The following SLC22A3 variants were observed in gnomAD, a reference collection of about 807,000 sequenced individuals.
The protein encoded by SLC22A3 is EMT organic cation transporter 3.
In SLC22A3, 51 loss-of-function variants were observed where a neutral mutation model predicts 59.1. The observed-to-expected ratio is 0.86, with a 90% confidence interval of 0.69 to 1.09. The LOEUF is 1.09. SLC22A3 is among the 50% of genes least tolerant of loss of function. SLC22A3 has a pLI of 0.00. For synonymous variants in SLC22A3, 325 were observed against 292.0 expected (o/e 1.11, Z -1.15); for missense variants, 711 against 726.3 (o/e 0.98, Z 0.24).
intron 1 of SLC22A3, among the ~76,000 whole-genome samples, chr6:160,395,337 C>G (rs557241003): frequency 6.6e-5 from 10 of 152,254 alleles, no homozygotes; most frequent in African/African-American, 2.2e-4. Flanking sequence ...TCTTGATAGG[C>G]CTTGCTATGT....
At chr6:160,384,682 G>A (rs1785929920) in intron 1 of SLC22A3, among the ~76,000 whole-genome samples, 2 of 152,148 alleles carry the variant, frequency 1.3e-5, no homozygotes, top group Admixed American at 6.5e-5. Flanking sequence ...TGGGTGGGAA[G>A]GAGATCTAAG....
intron 1 of SLC22A3, among the ~76,000 whole-genome samples, chr6:160,396,243 AT>A (rs1160223193): frequency 2.0e-5 from 3 of 152,192 alleles, no homozygotes; most frequent in African/African-American, 7.2e-5. Context: ...CAATGGGACA[AT>A]TTGACATATT....
Position 160,436,986 on chromosome 6 carries a change from T to A in SLC22A3, c.1074-11T>A. The A allele has an allele frequency of 6.2e-7, 1 of 1,614,182 alleles. No homozygotes were observed. The highest frequency in any genetic ancestry group is 2.2e-5 in the East Asian group (1 of 44,894). On this transcript the variant is annotated splice_polypyrimidine_tract_variant and intron_variant, in intron 6 of 10. Transcript: ENST00000275300. ...TTACTTGTTCTCTGGTGTCTTTCAA[T>A]GTTGCTACAGGTTCACAAGCGCAGT...
chr6:160,423,405 A>G (rs1787827394), intron 5 of SLC22A3, among the ~76,000 whole-genome samples: 1 of 152,246 alleles, frequency 6.6e-6, no homozygotes, highest in African/African-American at 2.4e-5. Flanking sequence ...AGGAATCGCC[A>G]CACTGTCTTC....
At chr6:160,418,116 A>C (rs1787578589) in intron 5 of SLC22A3, among the ~76,000 whole-genome samples, 1 of 152,316 alleles carries the variant, frequency 6.6e-6, no homozygotes, top group Admixed American at 6.5e-5. Context: ...TTGCCAGAGG[A>C]GATTCACATT....
chr6:160,353,748 C>T (rs961970787), intron 1 of SLC22A3, among the ~76,000 whole-genome samples: 1 of 152,072 alleles, frequency 6.6e-6, no homozygotes, highest in African/African-American at 2.4e-5. Flanking sequence ...CAGGAATTTT[C>T]CTTTTTCACA....
At position 160,452,410 on chromosome 6, in the gene SLC22A3, AAC is replaced by A. The variant is rs1197720585; in HGVS notation, c.*1358_*1359del. ...GAATAATCTATTTGTCGATGAAATA[AAC>A]ACAACTCTTTGAGGATTTGAGACTA... On this transcript the variant is annotated 3_prime_UTR_variant, in exon 11 of 11. Coordinates refer to ENST00000275300, the MANE Select transcript of SLC22A3 (RefSeq NM_021977.4). The A allele has an allele frequency of 6.6e-6, 1 of 152,226 alleles. No homozygotes were observed. Among genetic ancestry groups the A allele is most frequent in the African/African-American group, 2.4e-5 (1 of 41,462 alleles). 9.4% of individuals were successfully genotyped at this position (152,226 alleles called of 1,614,324 possible). A position where few individuals can be genotyped will look rare whatever the true frequency, so the allele number is the denominator to read the frequency against.
chr6:160,434,946 G>A (rs1490363333), intron 5 of SLC22A3, among the ~76,000 whole-genome samples: 1 of 152,154 alleles, frequency 6.6e-6, no homozygotes, highest in Non-Finnish European at 1.5e-5. Flanking sequence ...TACTCCATGA[G>A]TTCCATTTAT....
chr6:160,365,007 TAGTA>T (rs1269336010), intron 1 of SLC22A3, among the ~76,000 whole-genome samples: 1 of 152,174 alleles, frequency 6.6e-6, no homozygotes, highest in African/African-American at 2.4e-5. Flanking sequence ...TACACTTACA[TAGTA>T]AGTATATTTA....
intron 7 of SLC22A3, among the ~76,000 whole-genome samples, chr6:160,438,875 A>C (rs1164833293): frequency 1.3e-5 from 2 of 152,020 alleles, no homozygotes; most frequent in Non-Finnish European, 2.9e-5. Flanking sequence ...CTCTCTGGCA[A>C]TCCTTGCAGC....
intron 5 of SLC22A3, among the ~76,000 whole-genome samples, chr6:160,430,108 TG>T (rs1788097418): frequency 6.6e-6 from 1 of 152,116 alleles, no homozygotes; most frequent in African/African-American, 2.4e-5. Flanking sequence ...TGTATGTATC[TG>T]TGTATATGTA....
At chr6:160,381,887 C>A (rs1465786298) in intron 1 of SLC22A3, among the ~76,000 whole-genome samples, 1 of 151,952 alleles carries the variant, frequency 6.6e-6, no homozygotes, top group Non-Finnish European at 1.5e-5. Context: ...TCTAGTGAGT[C>A]CAGTGGAATG....
chr6:160,384,632 A>T (rs957476611), intron 1 of SLC22A3, among the ~76,000 whole-genome samples: 2 of 152,028 alleles, frequency 1.3e-5, no homozygotes, highest in South Asian at 4.2e-4. Flanking sequence ...AGATCCCCAG[A>T]TCTCCGGTTC....
chr6:160,439,111 C>T (rs1019216633), intron 7 of SLC22A3, among the ~76,000 whole-genome samples: 2 of 152,014 alleles, frequency 1.3e-5, no homozygotes, highest in South Asian at 2.1e-4. Flanking sequence ...TCTCTTAATA[C>T]GTATCTATTT....
chr6:160,404,028 C>T (rs1786900320), intron 2 of SLC22A3, among the ~76,000 whole-genome samples: 1 of 151,966 alleles, frequency 6.6e-6, no homozygotes, highest in Admixed American at 6.6e-5. Context: ...TATGTCATCT[C>T]TAATAACTTC....
intron 1 of SLC22A3, among the ~76,000 whole-genome samples, chr6:160,351,078 GTT>G (rs1176791291): frequency 6.6e-6 from 1 of 152,160 alleles, no homozygotes; most frequent in Non-Finnish European, 1.5e-5. Context: ...CCCCAAAAAA[GTT>G]TTTGAAATAT....
At chr6:160,355,336 G>A (rs189405588) in intron 1 of SLC22A3, among the ~76,000 whole-genome samples, 9 of 152,228 alleles carry the variant, frequency 5.9e-5, no homozygotes, top group South Asian at 4.1e-4. Context: ...CCATGTCTCC[G>A]CCTATAGAGG....
Position 160,426,245 on chromosome 6 carries a change from T to C in SLC22A3, c.976-10535T>C, listed in dbSNP as rs190790620. The C allele has an allele frequency of 1.2e-5, 12 of 985,336 alleles. No homozygotes were observed. The African/African-American group carries it at 1.9e-4, about 16-fold the overall frequency. The allele number at this position is 985,336 out of a possible 1,614,324, so 61.0% of individuals were successfully genotyped here. A position where few individuals can be genotyped will look rare whatever the true frequency, so the allele number is the denominator to read the frequency against. ...TCTGAGTTACATAAGGAAGGCAAAA[T>C]TTGGATATTTGACAAATTTGGAAGC... On this transcript the variant is annotated intron_variant, in intron 5 of 10. Coordinates refer to ENST00000275300, the MANE Select transcript of SLC22A3 (RefSeq NM_021977.4).
At chr6:160,417,303 T>C (rs1292402779) in intron 5 of SLC22A3, among the ~76,000 whole-genome samples, 1 of 152,172 alleles carries the variant, frequency 6.6e-6, no homozygotes, top group Non-Finnish European at 1.5e-5. Flanking sequence ...TGCTGTTCCT[T>C]CAGGGTGGGT....
Sources: allele counts gnomAD v4.1 joint callset (sites outside exome capture counted in the v4.1 genomes callset), GRCh38; gene constraint gnomAD v4.1.1; transcripts MANE v1.5; gene names NCBI Gene and HGNC (gene_info 2026-07-23, HGNC 2026-07-21).